Variants in LINGO2 observed in about 807,000 individuals in gnomAD.
LINGO2 encodes leucine-rich repeat and immunoglobulin-like domain-containing nogo receptor-interacting protein 2.
LINGO2 carries 14 observed loss-of-function variants against 30.6 expected under a neutral mutation model. The ratio of observed to expected loss-of-function variants is 0.46; its 90% confidence interval spans 0.30 to 0.72. The LOEUF is 0.72. Among genes scored for constraint, LINGO2 ranks in the 30% least tolerant of loss-of-function variants. The pLI is 0.07. For missense variants in LINGO2, 729 were observed against 751.7 expected (o/e 0.97, Z 0.35); for synonymous variants, 317 against 288.5 (o/e 1.10, Z -1.00).
At chr9:28,852,857 T>C in the LINGO2 span, among the ~76,000 whole-genome samples, 1 of 152,076 alleles carries the variant, frequency 6.6e-6, no homozygotes, top group Admixed American at 6.6e-5. Flanking sequence ...CTTCTCAGCC[T>C]AACAAGTAAA....
the LINGO2 span, among the ~76,000 whole-genome samples, chr9:28,848,397 G>GTGTGTATATA: frequency 9.9e-4 from 48 of 48,422 alleles, no homozygotes; most frequent in Admixed American, 0.01. Context: ...GTGTGTGTGT[G>GTGTGTATATA]TATATATATA....
At chr9:29,072,848 C>A in the LINGO2 span, among the ~76,000 whole-genome samples, 1 of 151,754 alleles carries the variant, frequency 6.6e-6, no homozygotes, top group Non-Finnish European at 1.5e-5. Flanking sequence ...TTTTTAATTT[C>A]TTTTGGTTTT....
chr9:28,354,699 A>C (rs902070967), intron 3 of LINGO2, among the ~76,000 whole-genome samples: 4 of 152,216 alleles, frequency 2.6e-5, no homozygotes, highest in African/African-American at 9.6e-5. Context: ...CCAATAGAAA[A>C]CAAGTTACAC....
At chr9:28,091,635 C>T (rs1826091072) in intron 4 of LINGO2, among the ~76,000 whole-genome samples, 1 of 152,158 alleles carries the variant, frequency 6.6e-6, no homozygotes, top group South Asian at 2.1e-4. Context: ...AGGACATAGA[C>T]ATGGGCAAGG....
chr9:28,732,886 A>C, the LINGO2 span, among the ~76,000 whole-genome samples: 2 of 152,148 alleles, frequency 1.3e-5, no homozygotes, highest in Non-Finnish European at 2.9e-5. Context: ...GGCCGGATGC[A>C]AGAAATCCTG....
At chr9:28,749,337 C>A in the LINGO2 span, among the ~76,000 whole-genome samples, 1 of 151,974 alleles carries the variant, frequency 6.6e-6, no homozygotes, top group South Asian at 2.1e-4. Flanking sequence ...TTCCCCCATG[C>A]CTTCTTCTGA....
intron 2 of LINGO2, among the ~76,000 whole-genome samples, chr9:28,431,029 TGAGAGA>T (rs57751993): frequency 0.016 from 2,076 of 129,420 alleles, 17 homozygotes; most frequent in Middle Eastern, 0.069. Context: ...GCATGAGTGA[TGAGAGA>T]GAGAGAGAGA....
intron 4 of LINGO2, among the ~76,000 whole-genome samples, chr9:28,261,536 C>T (rs1050675018): frequency 2.6e-5 from 4 of 151,858 alleles, no homozygotes; most frequent in Non-Finnish European, 5.9e-5. Context: ...ATAAATTTGG[C>T]ACGTAGTCCT....
intron 4 of LINGO2, among the ~76,000 whole-genome samples, chr9:28,055,512 A>C (rs1379449667): frequency 6.6e-6 from 1 of 152,184 alleles, no homozygotes; most frequent in Non-Finnish European, 1.5e-5. Context: ...AGGAAAATGT[A>C]AGGTACTTCT....
chr9:28,450,504 T>C (rs1406097069), intron 2 of LINGO2, among the ~76,000 whole-genome samples: 3 of 152,078 alleles, frequency 2.0e-5, no homozygotes, highest in Non-Finnish European at 2.9e-5. Flanking sequence ...GCATTAATTA[T>C]GAAGATTTGA....
chr9:29,105,333 T>C, the LINGO2 span, among the ~76,000 whole-genome samples: 7 of 152,178 alleles, frequency 4.6e-5, no homozygotes, highest in African/African-American at 1.2e-4. Flanking sequence ...CAGCAACTCA[T>C]TGGCATTATA....
chr9:28,085,460 T>A (rs752907006), intron 4 of LINGO2, among the ~76,000 whole-genome samples: 1 of 152,124 alleles, frequency 6.6e-6, no homozygotes, highest in African/African-American at 2.4e-5. Context: ...CTACTAGAGC[T>A]GGCTTTAACG....
At chr9:28,876,955 A>G in the LINGO2 span, among the ~76,000 whole-genome samples, 10 of 152,126 alleles carry the variant, frequency 6.6e-5, no homozygotes, top group East Asian at 5.8e-4. Context: ...AACTGGTGTG[A>G]GATGGTATCT....
chr9:28,307,071 T>C lies in LINGO2; in HGVS notation c.-245-11705A>G, dbSNP rs543518563. Among the ~76,000 whole-genome samples the C allele has an allele frequency of 1.4e-3, 211 of 152,088 alleles. 1 individual carries two copies. The highest frequency in any genetic ancestry group is 2.5e-3 in the Non-Finnish European group (169 of 67,974). On this transcript the variant is annotated intron_variant, in intron 3 of 5. Coordinates refer to ENST00000379992, the Ensembl canonical transcript of LINGO2. ...AGAAAAAGAGGGAATCCTCCCTAAC[T>C]CATTTTATGAGGCCAGCATCATTCT...
the LINGO2 span, among the ~76,000 whole-genome samples, chr9:29,012,132 C>A: frequency 2.6e-5 from 4 of 151,952 alleles, no homozygotes; most frequent in Non-Finnish European, 2.9e-5. Flanking sequence ...CTGAGGCAGG[C>A]AGATCACCTG....
At chr9:29,134,878 T>C in the LINGO2 span, among the ~76,000 whole-genome samples, 2 of 152,194 alleles carry the variant, frequency 1.3e-5, no homozygotes, top group African/African-American at 2.4e-5. Flanking sequence ...TTTATAGCTA[T>C]ATTATCTTCC....
At chr9:28,898,056 A>G in the LINGO2 span, among the ~76,000 whole-genome samples, 2 of 152,134 alleles carry the variant, frequency 1.3e-5, no homozygotes, top group Non-Finnish European at 2.9e-5. Flanking sequence ...GAAGAATAAA[A>G]GTAGTGACCT....
At chr9:28,162,308 T>C (rs975781175) in intron 4 of LINGO2, among the ~76,000 whole-genome samples, 1 of 152,180 alleles carries the variant, frequency 6.6e-6, no homozygotes, top group Non-Finnish European at 1.5e-5. Context: ...TAAGTTTGCT[T>C]ATTTACATAA....
the LINGO2 span, among the ~76,000 whole-genome samples, chr9:28,836,983 C>G: frequency 0.15 from 22,138 of 152,144 alleles, 1,800 homozygotes; most frequent in East Asian, 0.33. Flanking sequence ...ATACTTTAGT[C>G]TCAAAAGACA....
Sources: allele counts gnomAD v4.1 joint callset (sites outside exome capture counted in the v4.1 genomes callset), GRCh38; gene constraint gnomAD v4.1.1; transcripts MANE v1.5; gene names NCBI Gene and HGNC (gene_info 2026-07-23, HGNC 2026-07-21).